SERPINC1: variants seen among roughly 807,000 people sequenced by gnomAD.
SERPINC1 encodes the protein serpin family C member 1.
In SERPINC1, 12 loss-of-function variants were observed where a neutral mutation model predicts 43.4. The observed-to-expected ratio is 0.28, with a 90% CI of 0.18 to 0.45. The LOEUF is 0.45. Ranked by LOEUF, SERPINC1 falls within the 20% of genes least tolerant of loss-of-function variation. The probability of loss-of-function intolerance (pLI) is 1.00; values close to 1 mark genes in which losing one functional copy is unlikely to be tolerated. For missense variants in SERPINC1, 423 were observed against 578.8 expected (o/e 0.73, Z 2.76); for synonymous variants, 210 against 218.9 (o/e 0.96, Z 0.36).
chr1:173,913,854 C>CA (rs71707849), intron 2 of SERPINC1, among the ~76,000 whole-genome samples: 2,218 of 90,076 alleles, frequency 0.025, 43 homozygotes, highest in African/African-American at 0.061. Context: ...GACTCCGTCT[C>CA]AAAAAAAAAA....
intron 3 of SERPINC1, among the ~76,000 whole-genome samples, chr1:173,911,473 C>A (rs190843891): frequency 4.6e-5 from 7 of 152,282 alleles, no homozygotes; most frequent in African/African-American, 1.4e-4. Flanking sequence ...TTTATTTGAC[C>A]ATGATAACAG....
intron 1 of SERPINC1, among the ~76,000 whole-genome samples, chr1:173,916,761 G>A (rs1410773716): frequency 6.6e-6 from 1 of 152,192 alleles, no homozygotes; most frequent in Non-Finnish European, 1.5e-5. Flanking sequence ...TGTGAGAAAA[G>A]GAAGCAGTTT....
At chr1:173,917,109 C>A (rs916395197) in intron 1 of SERPINC1, 110 bp downstream of exon 1, 15 of 921,030 alleles carry the variant, frequency 1.6e-5, no homozygotes, top group Non-Finnish European at 2.7e-5. Flanking sequence ...ACTGTAACTA[C>A]CAGGGAGAGG....
chr1:173,910,283 G>A (rs1454248119), intron 4 of SERPINC1, among the ~76,000 whole-genome samples: 1 of 152,100 alleles, frequency 6.6e-6, no homozygotes, highest in Non-Finnish European at 1.5e-5. Context: ...TTTACTAGGT[G>A]AAAGAAGCCA....
At chr1:173,914,223 A>G (rs144797763) in intron 2 of SERPINC1, among the ~76,000 whole-genome samples, 68 of 152,344 alleles carry the variant, frequency 4.5e-4, no homozygotes, top group African/African-American at 1.5e-3. Flanking sequence ...GAATGAATAA[A>G]TAAATAAATG....
rs557344195 is a variant in SERPINC1 at position 173,914,272 on chromosome 1, T to C, written c.408+281A>G. ...GTAAACATATAGATGAAAGAATTAC[T>C]GAAAAGAAGTTGAGAGAAGATACAA... is the stretch of plus-strand genomic sequence containing the variant. On this transcript the variant is annotated intron_variant, in intron 2 of 6. Coordinates refer to ENST00000367698, the MANE Select transcript of SERPINC1 (RefSeq NM_000488.4). Among the ~76,000 whole-genome samples the C allele has an allele frequency of 2.0e-3, 305 of 152,214 alleles. 1 individual carries two copies. The highest frequency in any genetic ancestry group is 5.2e-3 in the South Asian group (25 of 4,822).
intron 4 of SERPINC1, among the ~76,000 whole-genome samples, chr1:173,910,379 C>G (rs1191039420): frequency 6.6e-6 from 1 of 152,100 alleles, no homozygotes; most frequent in East Asian, 1.9e-4. Flanking sequence ...GAGATCAAGA[C>G]TATCCTGGCT....
intron 5 of SERPINC1, among the ~76,000 whole-genome samples, chr1:173,908,437 C>T (rs2102780533): frequency 7.2e-6 from 1 of 139,376 alleles, no homozygotes; most frequent in East Asian, 2.1e-4. Flanking sequence ...TTGCAGTGAG[C>T]CAAGATTGCA....
At chr1:173,907,236 A>C (rs1314073913) in intron 6 of SERPINC1, among the ~76,000 whole-genome samples, 2 of 151,972 alleles carry the variant, frequency 1.3e-5, no homozygotes, top group African/African-American at 4.8e-5. Context: ...CACCCTCCCT[A>C]AATGTTTGTG....
chr1:173,914,531 G>A, intron 2 of SERPINC1, 22 bp downstream of exon 2: 1 of 1,613,454 alleles, frequency 6.2e-7, no homozygotes. Context: ...AAGGTGGCTG[G>A]GCAGAAGACC....
chr1:173,915,018 C>G, intron 1 of SERPINC1, 99 bp from the exon 2 acceptor site: 2 of 1,544,336 alleles, frequency 1.3e-6, no homozygotes, highest in Non-Finnish European at 1.7e-6. Context: ...TCCAGCCCAC[C>G]TGGTGTGGCC....
rs1298241320 is a variant in SERPINC1, at chr1:173,914,865, A to G, written c.96T>C (p.Cys32=). ...LLIGFWDCVT[C]HGSPVDICTA... is the part of the protein sequence containing the mutation. Reference sequence around the variant, plus strand: ...TGCAGATGTCCACAGGGCTCCCGTGACAGGTCACGCAGTCCCAGAAGCCAA... The same window carrying G: ...TGCAGATGTCCACAGGGCTCCCGTGGCAGGTCACGCAGTCCCAGAAGCCAA... Residue 32 remains cysteine (C), a synonymous_variant, in exon 2 of 7, where the codon TGT becomes TGC. Coordinates refer to ENST00000367698, the MANE Select transcript of SERPINC1 (RefSeq NM_000488.4). 1 of 1,614,222 alleles carries G rather than the reference A, an allele frequency of 6.2e-7. No homozygotes were observed.
rs5879 is a variant in SERPINC1 at position 173,903,934 on chromosome 1, G to A, written c.1350C>T (p.Asn450=). The A allele has an allele frequency of 6.2e-6, 10 of 1,614,034 alleles. No individual in the cohort carries two copies. The Admixed American group carries it at 1.0e-4, about 16-fold the overall frequency. The change falls in exon 7 of 7, where the codon AAC becomes AAT. Residue 450 remains asparagine, a synonymous_variant. Coordinates refer to ENST00000367698, the MANE Select transcript of SERPINC1 (RefSeq NM_000488.4). ...CTACTCTGCCCATGAAGATAATAGTGTTCAGAGGAACTTCTCTTATAAAAA... is the reference window on the plus strand; with the variant it reads ...CTACTCTGCCCATGAAGATAATAGTATTCAGAGGAACTTCTCTTATAAAAA... ...FLVFIREVPL[N]TIIFMGRVAN... is the part of the protein sequence containing the mutation.
At chr1:173,907,111 C>T (rs1368515387) in intron 6 of SERPINC1, among the ~76,000 whole-genome samples, 1 of 145,818 alleles carries the variant, frequency 6.9e-6, no homozygotes. Context: ...GAACGAAGCT[C>T]TGTCTCAAAA....
chr1:173,909,773 A>G lies in SERPINC1; in HGVS notation c.932T>C (p.Ile311Thr). The change falls in exon 5 of 7, where the codon ATC becomes ACC. Residue 311 changes from isoleucine to threonine, a missense_variant. Coordinates refer to ENST00000367698, the MANE Select transcript of SERPINC1 (RefSeq NM_000488.4). The stretch of plus-strand genomic sequence containing the variant: ...CTTGGGCAAGATGAGGACCATGGTG[A>G]TGTCATCACCTTTGAAGGGCAACTC... Reference protein sequence around the residue: ...VLELPFKGDDITMVLILPKPE... With the variant: ...VLELPFKGDDTTMVLILPKPE... 6.2e-7 allele frequency: 1 copy of G among 1,614,214 alleles called. No homozygotes were observed. Among genetic ancestry groups the G allele is most frequent in the Non-Finnish European group, 8.5e-7 (1 of 1,180,030 alleles).
intron 2 of SERPINC1, among the ~76,000 whole-genome samples, chr1:173,914,048 A>G (rs2102788756): frequency 6.6e-6 from 1 of 151,430 alleles, no homozygotes; most frequent in African/African-American, 2.4e-5. Context: ...ACTGCACTCC[A>G]GCCTGGGCAA....
intron 6 of SERPINC1, among the ~76,000 whole-genome samples, chr1:173,905,294 A>G (rs1657447605): frequency 6.6e-6 from 1 of 152,164 alleles, no homozygotes; most frequent in Non-Finnish European, 1.5e-5. Flanking sequence ...TCTGACCTCA[A>G]TACCTCTACT....
rs5878 is a variant in SERPINC1 at position 173,909,694 on chromosome 1, T to C, written c.1011A>G (p.Gln337=). Residue 337 remains glutamine, a synonymous_variant, in exon 5 of 7, where the codon CAA becomes CAG. Transcript: ENST00000367698. ...TCTCCTCCAATTCATCCAGCCACTC[T>C]TGCAGCACCTCTGGGGTGAGTTCCT... ...VEKELTPEVL[Q]EWLDELEEMM... is the part of the protein sequence containing the mutation. The C allele has an allele frequency of 0.37, 598,825 of 1,613,684 alleles. 120,964 individuals are homozygous for C. The highest frequency in any genetic ancestry group is 0.78 in the African/African-American group (58,611 of 75,018).
rs763087077 is a variant in SERPINC1, at chr1:173,914,553, C to T, written c.408G>A (p.Glu136=). 6.2e-7 allele frequency: 1 copy of T among 1,614,016 alleles called. No individual in the cohort carries two copies. Among genetic ancestry groups the T allele is most frequent in the Non-Finnish European group, 8.5e-7 (1 of 1,180,046 alleles). ...CTGGGCAGAAGACCTTTGGTCGTAC[C>T]TCCATCAGTTGCTGGAGGGTGTCAT... is the stretch of plus-strand genomic sequence containing the variant. ...ACNDTLQQLM[E]VFKFDTISEK... Residue 136 remains glutamate (E), a splice_region_variant and synonymous_variant, in exon 2 of 7, where the codon GAG becomes GAA. Transcript: ENST00000367698.
Sources: gnomAD v4.1 joint callset for allele counts (sites outside exome capture counted in the v4.1 genomes callset) on GRCh38, gnomAD v4.1.1 for gene constraint, MANE v1.5 for transcripts, NCBI Gene and HGNC (gene_info 2026-07-23, HGNC 2026-07-21) for gene names.